Variants in PDGFRA observed in about 807,000 individuals in gnomAD.
PDGFRA encodes platelet derived growth factor receptor alpha.
In PDGFRA, 25 loss-of-function variants were observed where a neutral mutation model predicts 121.5. That is an observed-to-expected ratio of 0.21 (90% CI 0.15 to 0.29). PDGFRA has a LOEUF of 0.29. Among genes scored for constraint, PDGFRA ranks in the 10% least tolerant of loss-of-function variants. PDGFRA has a pLI of 1.00. For missense variants in PDGFRA, 1,008 were observed against 1,345.1 expected, an observed-to-expected ratio of 0.75 and a Z score of 3.92; for synonymous variants, 463 against 494.8, an observed-to-expected ratio of 0.94 and a Z score of 0.85.
At position 54,269,622 on chromosome 4, in the gene PDGFRA, T is replaced by C. The variant is rs140863234; in HGVS notation, c.1122-1011T>C. On this transcript the variant is annotated intron_variant, in intron 7 of 22. Coordinates refer to ENST00000257290, the MANE Select transcript of PDGFRA (RefSeq NM_006206.6). ...TGAAGAGACATATATTTTTTTTTTTTGAAGAGGCATATTTTTTCTAACTTT... is the reference window on the plus strand; with the variant it reads ...TGAAGAGACATATATTTTTTTTTTTCGAAGAGGCATATTTTTTCTAACTTT... Among the ~76,000 whole-genome samples, 1,421 of 151,380 alleles carry C rather than the reference T, an allele frequency of 9.4e-3. 8 individuals are homozygous for C. Among genetic ancestry groups the C allele is most frequent in the Non-Finnish European group, 0.014 (932 of 67,926 alleles).
chr4:54,251,425 A>G (rs919334182), intron 1 of PDGFRA, among the ~76,000 whole-genome samples: 4 of 152,196 alleles, frequency 2.6e-5, no homozygotes, highest in African/African-American at 9.6e-5. Context: ...TTTGAAAACT[A>G]TTTGGGAGTA....
At chr4:54,262,735 C>T (rs959137398) in intron 3 of PDGFRA, among the ~76,000 whole-genome samples, 1 of 152,324 alleles carries the variant, frequency 6.6e-6, no homozygotes, top group Admixed American at 6.5e-5. Flanking sequence ...GTCACTCCAA[C>T]TTCATTCACA....
At chr4:54,267,506 T>G in intron 6 of PDGFRA, 46 bp downstream of exon 6, 1 of 1,613,648 alleles carries the variant, frequency 6.2e-7, no homozygotes, top group South Asian at 1.1e-5. Flanking sequence ...CTGCTCGGGA[T>G]CCATATGTGG....
intron 4 of PDGFRA, 83 bp downstream of exon 4, chr4:54,264,010 A>T (rs1416001451): frequency 3.5e-4 from 384 of 1,086,778 alleles, no homozygotes; most frequent in Non-Finnish European, 4.7e-4. Context: ...TTTTTTTTTT[A>T]AATCATCATC....
In PDGFRA at chr4:54,287,490, C is replaced by A; in HGVS notation, c.2623C>A (p.Leu875Met). 2 of 1,574,794 alleles carry A rather than the reference C, an allele frequency of 1.3e-6. No individual in the cohort carries two copies. Among genetic ancestry groups the A allele is most frequent in the Non-Finnish European group, 1.7e-6 (2 of 1,144,186 alleles). Residue 875 changes from leucine to methionine, a missense_variant, in exon 19 of 23, where the codon CTG (leucine) becomes ATG (methionine). Transcript: ENST00000257290. ...CATCTTTGACAACCTCTACACCACA[C>A]TGAGTGATGTCTGGTCTTATGGCAT... ...ESIFDNLYTT[L>M]SDVWSYGILL...
intron 1 of PDGFRA, among the ~76,000 whole-genome samples, chr4:54,255,443 C>A (rs143775038): frequency 1.4e-3 from 207 of 152,162 alleles, no homozygotes; most frequent in African/African-American, 4.8e-3. Flanking sequence ...TCCTGTTTAA[C>A]CAACCCAAAC....
chr4:54,278,413 A>G lies in PDGFRA; in HGVS notation c.2054A>G (p.Tyr685Cys). The change falls in exon 15 of 23, where the codon TAT becomes TGT. Residue 685 changes from tyrosine to cysteine, a missense_variant. Physicochemically the swap from Tyr to Cys is radical, Grantham distance 194 (BLOSUM62 -2). This residue lies in a region of PDGFRA where 128 missense variants were observed against 147.6 expected (regional missense o/e 0.87). Transcript: ENST00000257290. ...EYCFYGDLVN[Y>C]LHKNRDSFLS... is the part of the protein sequence containing the mutation. ...TGCTTCTATGGAGATTTGGTCAACTATTTGCATAAGAATAGGGATAGCTTC... is the reference window on the plus strand; with the variant it reads ...TGCTTCTATGGAGATTTGGTCAACTGTTTGCATAAGAATAGGGATAGCTTC... 1.2e-6 allele frequency: 2 copies of G among 1,613,830 alleles called. No homozygotes were observed. The highest frequency in any genetic ancestry group is 8.5e-7 in the Non-Finnish European group (1 of 1,179,810).
chr4:54,271,897 T>G (rs1181858762), intron 8 of PDGFRA, among the ~76,000 whole-genome samples: 2 of 119,742 alleles, frequency 1.7e-5, no homozygotes, highest in Non-Finnish European at 3.5e-5. Context: ...CCTTTCTTCC[T>G]TCCTTCCCTC....
chr4:54,263,789 A>G lies in PDGFRA; in HGVS notation c.490A>G (p.Ser164Gly), dbSNP rs768090499. The change falls in exon 4 of 23, where the codon AGT becomes GGT. Residue 164 changes from serine (S) to glycine (G), a missense_variant. By Grantham distance (56) the Ser-to-Gly change is moderately conservative. Transcript: ENST00000257290. ...CGAGACTCCTGTAACCTTACACAAC[A>G]GTGAGGGGGTGGTACCTGCCTCCTA... is the stretch of plus-strand genomic sequence containing the variant. The part of the protein sequence containing the change: ...DPETPVTLHN[S>G]EGVVPASYDS... 12 of 1,614,120 alleles carry G rather than the reference A, an allele frequency of 7.4e-6. No individual in the cohort carries two copies. The highest frequency in any genetic ancestry group is 1.0e-5 in the Non-Finnish European group (12 of 1,180,012).
At chr4:54,240,383 T>C (rs1721237728) in intron 1 of PDGFRA, among the ~76,000 whole-genome samples, 1 of 152,194 alleles carries the variant, frequency 6.6e-6, no homozygotes, top group African/African-American at 2.4e-5. Flanking sequence ...ACCCCCCAGA[T>C]GCTCTGGGGT....
At chr4:54,289,785 C>T (rs770205699) in intron 21 of PDGFRA, among the ~76,000 whole-genome samples, 1 of 152,196 alleles carries the variant, frequency 6.6e-6, no homozygotes, top group Non-Finnish European at 1.5e-5. Context: ...CTGCCCACTA[C>T]AACTTTCACA....
intron 1 of PDGFRA, among the ~76,000 whole-genome samples, chr4:54,251,012 C>T (rs1328445781): frequency 6.8e-6 from 1 of 147,266 alleles, no homozygotes; most frequent in Non-Finnish European, 1.5e-5. Flanking sequence ...TTGCAGTGAG[C>T]TGAGATCGCA....
chr4:54,251,717 C>T (rs73252943), intron 1 of PDGFRA, among the ~76,000 whole-genome samples: 2,077 of 152,220 alleles, frequency 0.014, 25 homozygotes, highest in Middle Eastern at 0.027. Flanking sequence ...CCAGGAGCCC[C>T]AAGTTATCTT....
chr4:54,229,900 CAG>C (rs1720564798), intron 1 of PDGFRA: 1 of 146,846 alleles, frequency 6.8e-6, no homozygotes, highest in Non-Finnish European at 1.5e-5. Context: ...GACAGCGCTG[CAG>C]CCCATGGTGT....
chr4:54,272,322 T>C, intron 8 of PDGFRA, 72 bp from the exon 9 acceptor site: 1 of 1,549,330 alleles, frequency 6.5e-7, no homozygotes. Context: ...TGTGAACTCA[T>C]ATTCCACTTT....
At chr4:54,243,291 C>T (rs896235251) in intron 1 of PDGFRA, among the ~76,000 whole-genome samples, 7 of 152,052 alleles carry the variant, frequency 4.6e-5, no homozygotes, top group Admixed American at 3.9e-4. Flanking sequence ...GGTTTTTAAT[C>T]AAAATGAAAT....
chr4:54,233,300 G>A (rs1239017809), intron 1 of PDGFRA, among the ~76,000 whole-genome samples: 1 of 152,182 alleles, frequency 6.6e-6, no homozygotes, highest in Non-Finnish European at 1.5e-5. Flanking sequence ...TGTTCCTCTG[G>A]GTCCCGGGGT....
At chr4:54,271,659 CCTTCCTTG>C (rs1436727573) in intron 8 of PDGFRA, among the ~76,000 whole-genome samples, 3 of 148,384 alleles carry the variant, frequency 2.0e-5, no homozygotes, top group East Asian at 4.1e-4. Flanking sequence ...CTCCTTCCTT[CCTTCCTTG>C]CTTCCTTCTT....
rs1015210113 is a variant in PDGFRA at position 54,274,521 on chromosome 4, T to G, written c.1559-10T>G. On this transcript the variant is annotated splice_polypyrimidine_tract_variant and intron_variant, in intron 10 of 22. Transcript: ENST00000257290. ...AACTTTTCATTGTGCCTCTCTCTCT[T>G]GTCACGTAGCCCTGCGTTCTGAACT... 6.2e-7 allele frequency: 1 copy of G among 1,605,838 alleles called. No homozygotes were observed. The highest frequency in any genetic ancestry group is 1.1e-5 in the South Asian group (1 of 90,906).
Sources: gnomAD v4.1 joint callset for allele counts (sites outside exome capture counted in the v4.1 genomes callset) on GRCh38, gnomAD v4.1.1 for gene constraint, gnomAD v4.1.1 regional missense constraint, MANE v1.5 for transcripts, NCBI Gene and HGNC (gene_info 2026-07-23, HGNC 2026-07-21) for gene names.